Variants in EZR observed in about 807,000 individuals in gnomAD.
EZR encodes the protein cytovillin 2.
Under a neutral mutation model 74.8 loss-of-function variants are expected in EZR, and 40 were observed. That is an observed-to-expected ratio of 0.53 (90% confidence interval 0.42 to 0.70). The LOEUF is 0.70. Ranked by LOEUF, EZR falls within the 30% of genes least tolerant of loss-of-function variation. EZR has a pLI of 0.00. For missense variants in EZR, 678 were observed against 755.8 expected (o/e 0.90, Z 1.21); for synonymous variants, 341 against 283.3 (o/e 1.20, Z -2.05).
chr6:158,792,078 C>T (rs1487311196), intron 2 of EZR, among the ~76,000 whole-genome samples: 1 of 152,064 alleles, frequency 6.6e-6, no homozygotes, highest in Non-Finnish European at 1.5e-5. Flanking sequence ...CTCCTGAAAC[C>T]AAAGCTAATA....
chr6:158,793,142 A>G (rs1401745250), intron 2 of EZR, among the ~76,000 whole-genome samples: 1 of 137,588 alleles, frequency 7.3e-6, no homozygotes, highest in Non-Finnish European at 1.6e-5. Context: ...GCAACAAGTC[A>G]AGACCCCATC....
intron 7 of EZR, among the ~76,000 whole-genome samples, chr6:158,782,467 TG>T (rs1490050520): frequency 2.0e-5 from 3 of 152,070 alleles, no homozygotes; most frequent in Non-Finnish European, 4.4e-5. Flanking sequence ...TGGGGAGAGC[TG>T]TCATTTCAAG....
intron 8 of EZR, among the ~76,000 whole-genome samples, chr6:158,775,409 C>T (rs1313305678): frequency 6.6e-6 from 1 of 152,182 alleles, no homozygotes; most frequent in Non-Finnish European, 1.5e-5. Flanking sequence ...CTAGACAAAC[C>T]TGTATGTGGG....
chr6:158,767,251 TG>T lies in EZR; in HGVS notation c.1596+9del. On this transcript the variant is annotated intron_variant, in intron 13 of 13. Coordinates refer to ENST00000367075, the MANE Select transcript of EZR (RefSeq NM_001111077.2). ...CAGGCTCCCTGGAGACAGAGCCCCT[TG>T]GGCCTCACCAGCAGCTGCCGCTGCA... 6.2e-7 allele frequency: 1 copy of T among 1,609,066 alleles called. No individual in the cohort carries two copies. The highest frequency in any genetic ancestry group is 1.1e-5 in the South Asian group (1 of 90,576).
intron 8 of EZR, among the ~76,000 whole-genome samples, chr6:158,775,784 GAATA>G (rs1221259212): frequency 6.6e-6 from 1 of 152,210 alleles, no homozygotes; most frequent in African/African-American, 2.4e-5. Context: ...AATGTCAGCA[GAATA>G]AATAAAACCA....
intron 6 of EZR, 78 bp from the exon 7 acceptor site, chr6:158,783,744 T>G (rs1791491181): frequency 6.8e-7 from 1 of 1,475,892 alleles, no homozygotes; most frequent in Admixed American, 1.8e-5. Context: ...CCAGTATTTT[T>G]AAATTAAGGC....
At chr6:158,781,756 T>TGTA (rs1378777499) in intron 7 of EZR, among the ~76,000 whole-genome samples, 2 of 152,022 alleles carry the variant, frequency 1.3e-5, no homozygotes, top group Non-Finnish European at 2.9e-5. Context: ...AGTACCCACT[T>TGTA]TCCCCACTTC....
At chr6:158,771,678 C>T (rs141817493) in intron 8 of EZR, among the ~76,000 whole-genome samples, 1,527 of 152,278 alleles carry the variant, frequency 0.01, 10 homozygotes, top group Non-Finnish European at 0.013. Context: ...CGTGTGTGTG[C>T]AGTTGTGTGT....
chr6:158,778,333 T>G (rs1200788999), intron 7 of EZR, among the ~76,000 whole-genome samples: 1 of 152,246 alleles, frequency 6.6e-6, no homozygotes, highest in Non-Finnish European at 1.5e-5. Flanking sequence ...CTCTCTGGTG[T>G]GCCTAGAAAG....
intron 4 of EZR, 90 bp downstream of exon 4, chr6:158,787,018 C>T: frequency 9.4e-7 from 1 of 1,062,648 alleles, no homozygotes; most frequent in Non-Finnish European, 1.4e-6. Flanking sequence ...GAACAGAAAA[C>T]AAAAGACAGG....
At chr6:158,771,172 T>G (rs1481038715) in intron 9 of EZR, 72 bp downstream of exon 9, 1 of 1,466,684 alleles carries the variant, frequency 6.8e-7, no homozygotes, top group African/African-American at 1.8e-5. Flanking sequence ...CACAGTCACC[T>G]GACAGGCACT....
chr6:158,785,522 T>C lies in EZR; in HGVS notation c.254A>G (p.Tyr85Cys), dbSNP rs775710251. The C allele has an allele frequency of 2.5e-6, 4 of 1,614,108 alleles. No individual in the cohort carries two copies. The highest frequency in any genetic ancestry group is 2.5e-6 in the Non-Finnish European group (3 of 1,180,018). ...PLQFKFRAKF[Y>C]PEDVAEELIQ... ...GAGCTCCTCAGCCACATCTTCAGGG[T>C]AGAACTTGGCCCGGAACTTGAACTG... The change falls in exon 5 of 14, where the codon TAC becomes TGC. Residue 85 changes from tyrosine to cysteine, a missense_variant. Coordinates refer to ENST00000367075, the MANE Select transcript of EZR (RefSeq NM_001111077.2).
Position 158,766,706 on chromosome 6 carries a change from C to A in EZR, c.*208G>T. ...GTGATTCGAGAATAATCGCGAGAAT[C>A]AGGCCTGCTTGGCACTATTACAACT... is the stretch of plus-strand genomic sequence containing the variant. On this transcript the variant is annotated 3_prime_UTR_variant, in exon 14 of 14. Coordinates refer to ENST00000367075, the MANE Select transcript of EZR (RefSeq NM_001111077.2). 2 of 599,922 alleles carry A rather than the reference C, an allele frequency of 3.3e-6. No homozygotes were observed. The highest frequency in any genetic ancestry group is 3.0e-5 in the Admixed American group (1 of 33,400). The allele number at this position is 599,922 out of a possible 1,614,324, so 37.2% of individuals were successfully genotyped here. A position where few individuals can be genotyped will look rare whatever the true frequency, so the allele number is the denominator to read the frequency against.
At position 158,766,815 on chromosome 6, in the gene EZR, T is replaced by G. The variant is rs1277891421; in HGVS notation, c.*99A>C. The stretch of plus-strand genomic sequence containing the variant: ...ACTGCTTTCTAAAGGAACTGGGATC[T>G]GAGGGAGTTCCTAGACTTGGAGCAC... On this transcript the variant is annotated 3_prime_UTR_variant, in exon 14 of 14. Transcript: ENST00000367075. The G allele has an allele frequency of 8.4e-6, 10 of 1,185,126 alleles. No homozygotes were observed. The highest frequency in any genetic ancestry group is 1.4e-5 in the South Asian group (1 of 70,098). The allele number at this position is 1,185,126 out of a possible 1,614,324, so 73.4% of individuals were successfully genotyped here.
At chr6:158,804,940 A>G (rs1359198141) in intron 2 of EZR, among the ~76,000 whole-genome samples, 1 of 116,356 alleles carries the variant, frequency 8.6e-6, no homozygotes, top group East Asian at 2.5e-4. Context: ...CAGTCCCCAG[A>G]GTGTGATATT....
rs1210651452 is a variant in EZR, at chr6:158,766,906, C to G, written c.*8G>C. ...AGCACCCCTCTGCCCTTGGTCCTGG[C>G]CTGGCTGTTACAGGGCCTCGAACTC... On this transcript the variant is annotated 3_prime_UTR_variant, in exon 14 of 14. Transcript: ENST00000367075. 2 of 1,613,474 alleles carry G rather than the reference C, an allele frequency of 1.2e-6. No individual in the cohort carries two copies. The highest frequency in any genetic ancestry group is 2.7e-5 in the African/African-American group (2 of 74,916).
chr6:158,807,277 T>C (rs866292520), intron 2 of EZR, among the ~76,000 whole-genome samples: 5 of 147,916 alleles, frequency 3.4e-5, no homozygotes, highest in Non-Finnish European at 7.4e-5. Context: ...ATCACACCAC[T>C]GCACTCCAGC....
intron 2 of EZR, among the ~76,000 whole-genome samples, chr6:158,805,877 C>G (rs1278431808): frequency 2.0e-5 from 3 of 152,208 alleles, no homozygotes; most frequent in Admixed American, 6.5e-5. Flanking sequence ...CATCCCTGCC[C>G]ACAGCCCCAG....
At chr6:158,812,315 T>C (rs1485092343) in intron 2 of EZR, among the ~76,000 whole-genome samples, 1 of 152,138 alleles carries the variant, frequency 6.6e-6, no homozygotes, top group East Asian at 1.9e-4. Flanking sequence ...CTGGGCTTGA[T>C]TGGGGTGCAG....
Sources: gnomAD v4.1 joint callset for allele counts (sites outside exome capture counted in the v4.1 genomes callset) on GRCh38, gnomAD v4.1.1 for gene constraint, MANE v1.5 for transcripts, NCBI Gene and HGNC (gene_info 2026-07-23, HGNC 2026-07-21) for gene names.